Variants in CHST8 observed in about 807,000 individuals in gnomAD.
The protein encoded by CHST8 is GALNAC-4-ST1.
CHST8 carries 10 observed loss-of-function variants against 15.0 expected under a neutral mutation model. The observed-to-expected ratio is 0.67, with a 90% CI of 0.41 to 1.13. The LOEUF is 1.13. Ranked by LOEUF, CHST8 falls within the 50% of genes most tolerant of loss-of-function variation. The pLI, the probability that CHST8 is intolerant of heterozygous loss-of-function variation, is 0.00. For synonymous variants in CHST8, 259 were observed against 256.6 expected, an observed-to-expected ratio of 1.01 and a Z score of -0.09; for missense variants, 634 against 608.2, an observed-to-expected ratio of 1.04 and a Z score of -0.45.
intron 2 of CHST8, among the ~76,000 whole-genome samples, chr19:33,682,928 T>C (rs1972914982): frequency 6.6e-6 from 1 of 152,224 alleles, no homozygotes; most frequent in African/African-American, 2.4e-5. Context: ...AGCATGGTGT[T>C]GGCATCTGCT....
intron 3 of CHST8, among the ~76,000 whole-genome samples, chr19:33,699,419 C>A (rs987961511): frequency 2.0e-5 from 3 of 152,204 alleles, no homozygotes; most frequent in East Asian, 3.9e-4. Flanking sequence ...AGGTTGTAAA[C>A]CTTTCTTGAG....
Position 33,711,636 on chromosome 19 carries a change from G to A in CHST8, c.130+22245G>A, listed in dbSNP as rs566924000. Among the ~76,000 whole-genome samples, 18 of 152,204 alleles carry A rather than the reference G, an allele frequency of 1.2e-4. No homozygotes were observed. In the East Asian group the frequency reaches 3.3e-3, roughly 28 times the overall value. Reference sequence around the variant, plus strand: ...TAGGAACATTGTTAAGTATAAATAAGTATTTACTTTTTTTGGTGAGACAGA... The same window carrying A: ...TAGGAACATTGTTAAGTATAAATAAATATTTACTTTTTTTGGTGAGACAGA... On this transcript the variant is annotated intron_variant, in intron 3 of 4. Coordinates refer to ENST00000650847, the MANE Select transcript of CHST8 (RefSeq NM_001127895.2).
At chr19:33,738,056 T>G (rs2145335559) in intron 3 of CHST8, among the ~76,000 whole-genome samples, 1 of 152,300 alleles carries the variant, frequency 6.6e-6, no homozygotes, top group African/African-American at 2.4e-5. Context: ...CCAATTACCC[T>G]TTTCCCATTC....
At position 33,683,086 on chromosome 19, in the gene CHST8, A is replaced by G. The variant is rs549440308; in HGVS notation, c.-86-6090A>G. ...AAACAGTCAGATTTCACATGAACTG[A>G]ATGAGAACCAACTCATCACCAAGGG... On this transcript the variant is annotated intron_variant, in intron 2 of 4. Transcript: ENST00000650847. Among the ~76,000 whole-genome samples, 39 of 152,286 alleles carry G rather than the reference A, an allele frequency of 2.6e-4. 1 individual carries two copies. The highest frequency in any genetic ancestry group is 6.8e-3 in the Middle Eastern group (2 of 294).
chr19:33,625,061 A>T (rs55847305), intron 1 of CHST8, among the ~76,000 whole-genome samples: 70,224 of 151,282 alleles, frequency 0.46, 16,642 homozygotes, highest in Middle Eastern at 0.61. Flanking sequence ...GAAAGAGGAC[A>T]CAGGATTATG....
At chr19:33,737,006 A>G (rs1974099523) in intron 3 of CHST8, among the ~76,000 whole-genome samples, 2 of 152,168 alleles carry the variant, frequency 1.3e-5, no homozygotes, top group African/African-American at 2.4e-5. Context: ...TTAGCATGCT[A>G]AAAGACATAC....
intron 3 of CHST8, among the ~76,000 whole-genome samples, chr19:33,769,429 G>T (rs1353834622): frequency 6.6e-6 from 1 of 152,192 alleles, no homozygotes; most frequent in Non-Finnish European, 1.5e-5. Flanking sequence ...GTTTAGCAGA[G>T]CCAGCTGCCA....
intron 2 of CHST8, among the ~76,000 whole-genome samples, chr19:33,679,817 C>A (rs1568324545): frequency 6.6e-6 from 1 of 152,168 alleles, no homozygotes; most frequent in African/African-American, 2.4e-5. Flanking sequence ...GATCTTCCTT[C>A]CAAGAAGGAT....
intron 1 of CHST8, among the ~76,000 whole-genome samples, chr19:33,648,288 G>T (rs946928347): frequency 3.3e-5 from 5 of 152,046 alleles, no homozygotes; most frequent in African/African-American, 1.2e-4. Context: ...CAATTCCATG[G>T]TTTTCAGTAT....
At chr19:33,713,809 C>T (rs1599576216) in intron 3 of CHST8, among the ~76,000 whole-genome samples, 2 of 152,264 alleles carry the variant, frequency 1.3e-5, no homozygotes, top group East Asian at 3.9e-4. Context: ...GGGCACCCGC[C>T]TTGGCCTCCT....
intron 3 of CHST8, among the ~76,000 whole-genome samples, chr19:33,762,329 G>A (rs540555017): frequency 6.6e-6 from 1 of 152,304 alleles, no homozygotes; most frequent in South Asian, 2.1e-4. Context: ...ACAGCCGTTG[G>A]GTTTGTAGAC....
At chr19:33,757,476 A>C (rs1232685302) in intron 3 of CHST8, among the ~76,000 whole-genome samples, 1 of 43,882 alleles carries the variant, frequency 2.3e-5, no homozygotes, top group African/African-American at 9.4e-5. Flanking sequence ...GAAAGAAAGA[A>C]AGAAAGAAAG....
chr19:33,709,650 A>T, intron 3 of CHST8, among the ~76,000 whole-genome samples: 1 of 150,772 alleles, frequency 6.6e-6, no homozygotes. Flanking sequence ...GGATAGTTGT[A>T]GTTTTCTTGT....
At chr19:33,703,203 T>C (rs1254658603) in intron 3 of CHST8, among the ~76,000 whole-genome samples, 3 of 152,198 alleles carry the variant, frequency 2.0e-5, no homozygotes, top group African/African-American at 7.2e-5. Context: ...CCAGCCTCAC[T>C]TGGCCTGGAG....
chr19:33,726,876 T>C (rs1430192696), intron 3 of CHST8, among the ~76,000 whole-genome samples: 1 of 151,902 alleles, frequency 6.6e-6, no homozygotes, highest in African/African-American at 2.4e-5. Context: ...GTGCTCAGCC[T>C]CAGTGCAGCT....
intron 2 of CHST8, among the ~76,000 whole-genome samples, chr19:33,682,224 G>T (rs528941228): frequency 3.2e-4 from 41 of 128,166 alleles, no homozygotes; most frequent in African/African-American, 7.9e-4. Context: ...ACAGAGTCTC[G>T]CTCTGTTGCC....
chr19:33,700,230 A>G (rs1247418484), intron 3 of CHST8, among the ~76,000 whole-genome samples: 1 of 152,176 alleles, frequency 6.6e-6, no homozygotes, highest in Non-Finnish European at 1.5e-5. Context: ...GGAACATCAT[A>G]TATATTTCCT....
At chr19:33,767,101 G>A (rs917689646) in intron 3 of CHST8, among the ~76,000 whole-genome samples, 13 of 145,678 alleles carry the variant, frequency 8.9e-5, no homozygotes, top group Admixed American at 6.9e-4. Flanking sequence ...ATCAGGGCTC[G>A]GGGCTGGGAC....
chr19:33,695,801 T>TTTTCTTTCTTTC lies in CHST8; in HGVS notation c.130+6422_130+6433dup, dbSNP rs748705602. ...ATGGTGTATATATACCACATTTTCT[T>TTTTCTTTCTTTC]TTTCTTTCTTTCTTTCTTTCTTTTT... On this transcript the variant is annotated intron_variant, in intron 3 of 4. Transcript: ENST00000650847. Among the ~76,000 whole-genome samples, 62 of 130,368 alleles carry TTTTCTTTCTTTC rather than the reference T, an allele frequency of 4.8e-4. 2 individuals are homozygous for TTTTCTTTCTTTC. Among genetic ancestry groups the TTTTCTTTCTTTC allele is most frequent in the Middle Eastern group, 4.3e-3 (1 of 230 alleles). 85.5% of individuals were successfully genotyped at this position (130,368 alleles called of 152,430 possible). A position where few individuals can be genotyped will look rare whatever the true frequency, so the allele number is the denominator to read the frequency against.
Sources: allele counts gnomAD v4.1 joint callset (sites outside exome capture counted in the v4.1 genomes callset), GRCh38; gene constraint gnomAD v4.1.1; transcripts MANE v1.5; gene names NCBI Gene and HGNC (gene_info 2026-07-23, HGNC 2026-07-21).